Variants in ATP9A observed in about 807,000 individuals in gnomAD.
ATP9A encodes the protein ATPase phospholipid transporting 9A, also known as probable phospholipid-transporting ATPase IIA.
A neutral mutation model predicts 144.1 loss-of-function variants in ATP9A; 52 were observed. That is an observed-to-expected ratio of 0.36 (90% CI 0.29 to 0.45). ATP9A has a LOEUF of 0.45. Ranked by LOEUF, ATP9A falls within the 20% of genes least tolerant of loss-of-function variation. The probability of loss-of-function intolerance (pLI) is 1.00; values close to 1 mark genes in which losing one functional copy is unlikely to be tolerated. For synonymous variants in ATP9A, 582 were observed against 557.4 expected, an observed-to-expected ratio of 1.04 and a Z score of -0.62; for missense variants, 947 against 1,392.7, an observed-to-expected ratio of 0.68 and a Z score of 5.09.
At chr20:51,662,037 T>C (rs1297486711) in intron 13 of ATP9A, among the ~76,000 whole-genome samples, 1 of 152,186 alleles carries the variant, frequency 6.6e-6, no homozygotes, top group Non-Finnish European at 1.5e-5. Flanking sequence ...TGTAGCATGC[T>C]GCTTAACCTC....
At chr20:51,720,335 T>A (rs1484247694) in intron 3 of ATP9A, among the ~76,000 whole-genome samples, 1 of 152,230 alleles carries the variant, frequency 6.6e-6, no homozygotes, top group African/African-American at 2.4e-5. Context: ...TATGTAAGTA[T>A]ACAGTAAACA....
chr20:51,612,723 C>T (rs1197867872), intron 23 of ATP9A, among the ~76,000 whole-genome samples: 2 of 152,136 alleles, frequency 1.3e-5, no homozygotes, highest in Non-Finnish European at 2.9e-5. Flanking sequence ...CTGCGCCTGG[C>T]CTATGATGAC....
At chr20:51,671,402 A>G in intron 11 of ATP9A, 145 bp from the exon 12 acceptor site, 2 of 867,816 alleles carry the variant, frequency 2.3e-6, no homozygotes, top group Non-Finnish European at 3.5e-6. Flanking sequence ...GAACGCACAG[A>G]CTCAGCAAGA....
intron 19 of ATP9A, among the ~76,000 whole-genome samples, chr20:51,619,825 T>C (rs1352859029): frequency 2.2e-5 from 3 of 137,236 alleles, no homozygotes; most frequent in Admixed American, 8.2e-5. Flanking sequence ...GCCGAGATCA[T>C]GCCATTGCAC....
rs1220813543 is a variant in ATP9A, at chr20:51,608,583, G to A, written c.2680C>T (p.Leu894=). ...ACTTCCGATTTGACATCTTTGTCCA[G>A]GACCAGAGAAAACACAGGAAACATG... is the stretch of plus-strand genomic sequence containing the variant. The part of the protein sequence containing the change: ...YTMFPVFSLV[L]DKDVKSEVAM... Residue 894 remains leucine (L), a synonymous_variant, in exon 25 of 28, where the codon CTG becomes TTG. Transcript: ENST00000338821. 5.6e-6 allele frequency: 9 copies of A among 1,613,570 alleles called. No individual in the cohort carries two copies. Among genetic ancestry groups the A allele is most frequent in the Admixed American group, 3.3e-5 (2 of 59,992 alleles).
At chr20:51,627,231 T>A (rs986136032) in intron 17 of ATP9A, among the ~76,000 whole-genome samples, 2 of 152,122 alleles carry the variant, frequency 1.3e-5, no homozygotes, top group Non-Finnish European at 2.9e-5. Flanking sequence ...CAGATTCAAC[T>A]CCTAGACATA....
intron 19 of ATP9A, among the ~76,000 whole-genome samples, chr20:51,619,289 C>T (rs955651725): frequency 6.6e-6 from 1 of 152,156 alleles, no homozygotes; most frequent in Non-Finnish European, 1.5e-5. Flanking sequence ...ACTGGCCAAG[C>T]GCAGTGGCTC....
intron 1 of ATP9A, among the ~76,000 whole-genome samples, chr20:51,746,622 G>T (rs776271161): frequency 6.6e-6 from 1 of 152,182 alleles, no homozygotes; most frequent in Non-Finnish European, 1.5e-5. Flanking sequence ...GGCAGATCAC[G>T]AGGTCAGGAG....
chr20:51,717,833 A>C (rs1422473619), intron 3 of ATP9A, among the ~76,000 whole-genome samples: 1 of 152,050 alleles, frequency 6.6e-6, no homozygotes, highest in Non-Finnish European at 1.5e-5. Context: ...GCATGCCTGT[A>C]ATCTCAGCTA....
At chr20:51,627,894 C>T (rs1243691663) in intron 16 of ATP9A, among the ~76,000 whole-genome samples, 3 of 152,214 alleles carry the variant, frequency 2.0e-5, no homozygotes, top group African/African-American at 7.2e-5. Flanking sequence ...ACACAGCCCA[C>T]CCACAGGTCG....
intron 9 of ATP9A, among the ~76,000 whole-genome samples, chr20:51,685,017 T>TAAAAAAAAA (rs11325921): frequency 2.9e-5 from 4 of 139,862 alleles, no homozygotes; most frequent in East Asian, 2.2e-4. Context: ...TCTCCAAAAA[T>TAAAAAAAAA]AAAAAAAAAA....
At chr20:51,702,906 C>CGGAG (rs1304958823) in intron 4 of ATP9A, among the ~76,000 whole-genome samples, 1 of 152,164 alleles carries the variant, frequency 6.6e-6, no homozygotes, top group Non-Finnish European at 1.5e-5. Flanking sequence ...AGGGCAGGAA[C>CGGAG]TCTCCCTACA....
At chr20:51,634,689 C>G (rs1222591016) in intron 15 of ATP9A, among the ~76,000 whole-genome samples, 1 of 151,930 alleles carries the variant, frequency 6.6e-6, no homozygotes, top group Non-Finnish European at 1.5e-5. Flanking sequence ...AACCCCATCT[C>G]TACTAAAAAT....
intron 24 of ATP9A, among the ~76,000 whole-genome samples, chr20:51,609,358 T>C (rs1264257547): frequency 6.6e-6 from 1 of 152,070 alleles, no homozygotes; most frequent in Non-Finnish European, 1.5e-5. Context: ...GCCAACACAG[T>C]AGGATGGAAA....
intron 1 of ATP9A, among the ~76,000 whole-genome samples, chr20:51,758,643 T>G (rs2077866268): frequency 6.6e-6 from 1 of 152,168 alleles, no homozygotes; most frequent in Non-Finnish European, 1.5e-5. Context: ...AGAGCCCTTT[T>G]GGGCTGGGCG....
intron 17 of ATP9A, 142 bp downstream of exon 17, chr20:51,627,458 T>C: frequency 1.3e-6 from 1 of 759,144 alleles, no homozygotes; most frequent in Non-Finnish European, 2.3e-6. Context: ...GAACGGCAAG[T>C]GCAAAGGCCT....
rs371142987 is a variant in ATP9A at position 51,671,308 on chromosome 20, T to C, written c.1038-51A>G. The C allele has an allele frequency of 1.7e-3, 2,711 of 1,582,040 alleles. 3 individuals are homozygous for C. Among genetic ancestry groups the C allele is most frequent in the Non-Finnish European group, 2.2e-3 (2,501 of 1,154,252 alleles). ...GCTAACAGGACAGATGTAAGGCTCC[T>C]TGTATCTTTATAAAAACATGGACTC... On this transcript the variant is annotated intron_variant, in intron 11 of 27. Transcript: ENST00000338821.
rs115640800 is a variant in ATP9A at position 51,673,777 on chromosome 20, C to A, written c.1037+376G>T. Among the ~76,000 whole-genome samples, 21 of 152,192 alleles carry A rather than the reference C, an allele frequency of 1.4e-4. No homozygotes were observed. In the East Asian group the frequency reaches 3.9e-3, roughly 28 times the overall value. On this transcript the variant is annotated intron_variant, in intron 11 of 27. Coordinates refer to ENST00000338821, the MANE Select transcript of ATP9A (RefSeq NM_006045.3). ...TGCTCCTTCTAAAAGCCGATGGGCG[C>A]GGTGGCTCACACCTACAATCCCAGT...
At position 51,629,080 on chromosome 20, in the gene ATP9A, G is replaced by C. The variant is rs1441427614; in HGVS notation, c.1669-8C>G. On this transcript the variant is annotated splice_region_variant and splice_polypyrimidine_tract_variant and intron_variant, in intron 15 of 27. Transcript: ENST00000338821. ...TTCTCCAGTTGATTCATCCTAGAGA[G>C]GGAGGCCGGAAGGAATGAGAAACTG... The C allele has an allele frequency of 6.2e-7, 1 of 1,608,092 alleles. No homozygotes were observed. The highest frequency in any genetic ancestry group is 1.7e-5 in the Admixed American group (1 of 59,984).
Sources: allele counts gnomAD v4.1 joint callset (sites outside exome capture counted in the v4.1 genomes callset), GRCh38; gene constraint gnomAD v4.1.1; transcripts MANE v1.5; gene names NCBI Gene and HGNC (gene_info 2026-07-23, HGNC 2026-07-21).